The following PDXK variants were observed in gnomAD, a reference collection of about 807,000 sequenced individuals.
PDXK encodes epididymis secretory sperm binding protein Li 1a.
PDXK carries 15 observed loss-of-function variants against 43.2 expected under a neutral mutation model. The observed-to-expected ratio is 0.35, with a 90% confidence interval of 0.23 to 0.53. PDXK has a LOEUF of 0.53. Ranked by LOEUF, PDXK falls within the 20% of genes least tolerant of loss-of-function variation. PDXK has a pLI of 0.92. For missense variants in PDXK, 343 were observed against 417.0 expected (o/e 0.82, Z 1.54); for synonymous variants, 172 against 165.4 (o/e 1.04, Z -0.31).
chr21:43,755,604 C>T lies in PDXK; in HGVS notation c.760-94C>T, dbSNP rs2083834826. 5 of 1,058,112 alleles carry T rather than the reference C, an allele frequency of 4.7e-6. No homozygotes were observed. In the East Asian group the frequency reaches 9.4e-5, roughly 20 times the overall value. 65.5% of individuals were successfully genotyped at this position (1,058,112 alleles called of 1,614,324 possible). A position where few individuals can be genotyped will look rare whatever the true frequency, so the allele number is the denominator to read the frequency against. The stretch of plus-strand genomic sequence containing the variant: ...CCCGGTGGCTCGGAGAGCAGGACGG[C>T]CCTTGTGTTCCCTGGAAATCCCCTC... On this transcript the variant is annotated intron_variant, in intron 9 of 10. Coordinates refer to ENST00000291565, the MANE Select transcript of PDXK (RefSeq NM_003681.5).
intron 1 of PDXK, among the ~76,000 whole-genome samples, chr21:43,721,336 C>T (rs998665298): frequency 6.6e-6 from 1 of 152,214 alleles, no homozygotes; most frequent in Non-Finnish European, 1.5e-5. Context: ...TGATTTTGAT[C>T]ATCACATGTG....
intron 2 of PDXK, chr21:43,738,245 A>G (rs1460619321): frequency 6.4e-6 from 1 of 155,832 alleles, no homozygotes; most frequent in Non-Finnish European, 1.4e-5. Context: ...AGAGATGAGG[A>G]CACAGACACA....
chr21:43,740,080 C>T (rs145322383), intron 2 of PDXK, among the ~76,000 whole-genome samples: 76 of 152,152 alleles, frequency 5.0e-4, no homozygotes, highest in Middle Eastern at 3.4e-3. Context: ...CCCCTCAGTG[C>T]GTACACTCTG....
rs9976238 is a variant in PDXK, at chr21:43,722,912, A to T, written c.87+3531A>T. Among the ~76,000 whole-genome samples the T allele has an allele frequency of 5.4e-3, 824 of 152,282 alleles. 4 individuals are homozygous for T. Among genetic ancestry groups the T allele is most frequent in the African/African-American group, 0.019 (771 of 41,546 alleles). ...AAGTGCAGTGGCGCGATCTCGGCTC[A>T]CTGCAAGCTCTGCCTCCCGGGTTCA... On this transcript the variant is annotated intron_variant, in intron 1 of 10. Coordinates refer to ENST00000291565, the MANE Select transcript of PDXK (RefSeq NM_003681.5).
chr21:43,757,885 A>G lies in PDXK; in HGVS notation c.*1822A>G, dbSNP rs1158636180. The G allele has an allele frequency of 6.6e-6, 1 of 151,956 alleles. No individual in the cohort carries two copies. The highest frequency in any genetic ancestry group is 1.5e-5 in the Non-Finnish European group (1 of 67,998). 9.4% of individuals were successfully genotyped at this position (151,956 alleles called of 1,614,324 possible). ...GTGAGTGCAGGGATCTGCCAGAACC[A>G]CCTGGCCCTCTGTAGGGCGTTTAAC... On this transcript the variant is annotated 3_prime_UTR_variant, in exon 11 of 11. Coordinates refer to ENST00000291565, the MANE Select transcript of PDXK (RefSeq NM_003681.5).
chr21:43,749,166 A>T, intron 6 of PDXK, 86 bp downstream of exon 6: 3 of 755,126 alleles, frequency 4.0e-6, no homozygotes, highest in Non-Finnish European at 6.5e-6. Flanking sequence ...GTGCAGTGGC[A>T]CGATCACAGC....
rs1273139888 is a variant in PDXK at position 43,741,727 on chromosome 21, G to A, written c.203G>A (p.Gly68Asp). 2 of 1,613,036 alleles carry A rather than the reference G, an allele frequency of 1.2e-6. No homozygotes were observed. The highest frequency in any genetic ancestry group is 1.1e-5 in the South Asian group (1 of 91,030). ...GATGAGCTCCAGGAGTTGTACGAAG[G>A]CCTGAGGCTGAACAACATGAATAAA... ...NSDELQELYEGLRLNNMNKYD... is the reference protein window; with the variant it reads ...NSDELQELYEDLRLNNMNKYD... The change falls in exon 3 of 11, where the codon GGC becomes GAC. Residue 68 changes from glycine to aspartate, a missense_variant. Physicochemically the swap from Gly to Asp is moderately conservative, Grantham distance 94. Transcript: ENST00000291565.
intron 5 of PDXK, among the ~76,000 whole-genome samples, chr21:43,746,818 T>G (rs1164626607): frequency 6.6e-6 from 1 of 152,216 alleles, no homozygotes; most frequent in Non-Finnish European, 1.5e-5. Flanking sequence ...TTTTTGGCTT[T>G]TTTCCCCTAA....
chr21:43,733,265 G>GC (rs1363886611), intron 1 of PDXK, among the ~76,000 whole-genome samples: 4,234 of 47,370 alleles, frequency 0.089, 153 homozygotes, highest in Middle Eastern at 0.15. Flanking sequence ...CCCCCCCCCC[G>GC]CCCCCCCCGC....
intron 7 of PDXK, among the ~76,000 whole-genome samples, chr21:43,750,895 G>T (rs2083732167): frequency 6.7e-6 from 1 of 150,278 alleles, no homozygotes; most frequent in Admixed American, 6.7e-5. Flanking sequence ...TGGGCGTGTG[G>T]GCATGGGTGT....
intron 1 of PDXK, among the ~76,000 whole-genome samples, chr21:43,722,820 A>G (rs1331256983): frequency 6.6e-6 from 1 of 152,168 alleles, no homozygotes; most frequent in Non-Finnish European, 1.5e-5. Flanking sequence ...GGAATCTTAC[A>G]TCTGCAAAGA....
chr21:43,747,811 G>A (rs1028462755), intron 5 of PDXK, among the ~76,000 whole-genome samples: 2 of 152,222 alleles, frequency 1.3e-5, no homozygotes, highest in Admixed American at 6.5e-5. Context: ...TCTCAGATGA[G>A]CGGTCACCCC....
At position 43,761,491 on chromosome 21, in the gene PDXK, C is replaced by G. The variant is rs1485349307; in HGVS notation, c.*5428C>G. ...TCCTAAGCTTCTGCTTGGGGATCCC[C>G]CACACGACCTGGGTACTGCCTGGGA... On this transcript the variant is annotated 3_prime_UTR_variant, in exon 11 of 11. Coordinates refer to ENST00000291565, the MANE Select transcript of PDXK (RefSeq NM_003681.5). 1 of 156,130 alleles carries G rather than the reference C, an allele frequency of 6.4e-6. No homozygotes were observed. Among genetic ancestry groups the G allele is most frequent in the Non-Finnish European group, 1.4e-5 (1 of 69,564 alleles). 9.7% of individuals were successfully genotyped at this position (156,130 alleles called of 1,614,324 possible).
Position 43,753,605 on chromosome 21 carries a change from G to A in PDXK, c.645G>A (p.Val215=). 6.2e-7 allele frequency: 1 copy of A among 1,613,240 alleles called. No homozygotes were observed. Among genetic ancestry groups the A allele is most frequent in the Non-Finnish European group, 8.5e-7 (1 of 1,179,452 alleles). ...TAGGGAATCCCGCTGGCTCCGTGGT[G>A]ATGGAACGCATCCGGATGGACATTC... ...QRRRNPAGSV[V]MERIRMDIRK... Residue 215 remains valine (V), a synonymous_variant, in exon 9 of 11, where the codon GTG becomes GTA. Transcript: ENST00000291565.
In PDXK at chr21:43,759,882, G is replaced by A. The variant is rs2083906207; in HGVS notation, c.*3819G>A. The stretch of plus-strand genomic sequence containing the variant: ...GCACTCAGATGGATGCTGATCACCA[G>A]GGCCGAGGGGGCTCCCAGAAGGACC... On this transcript the variant is annotated 3_prime_UTR_variant, in exon 11 of 11. Coordinates refer to ENST00000291565, the MANE Select transcript of PDXK (RefSeq NM_003681.5). 6.6e-6 allele frequency: 1 copy of A among 152,278 alleles called. No individual in the cohort carries two copies. Among genetic ancestry groups the A allele is most frequent in the Non-Finnish European group, 1.5e-5 (1 of 68,056 alleles). The allele number at this position is 152,278 out of a possible 1,614,324, so 9.4% of individuals were successfully genotyped here. A position where few individuals can be genotyped will look rare whatever the true frequency, so the allele number is the denominator to read the frequency against.
chr21:43,741,625 GC>G (rs1568983954), intron 2 of PDXK, 41 bp from the exon 3 acceptor site: 2 of 1,596,720 alleles, frequency 1.3e-6, no homozygotes, highest in South Asian at 1.1e-5. Flanking sequence ...GCCCCAGCTG[GC>G]CCCCTTGTGT....
intron 2 of PDXK, chr21:43,738,703 A>G (rs1045825277): frequency 5.2e-5 from 8 of 152,470 alleles, no homozygotes; most frequent in African/African-American, 1.7e-4. Flanking sequence ...CCTGTCCGAT[A>G]AGTTAAAGAT....
At chr21:43,720,995 G>C (rs2083202304) in intron 1 of PDXK, among the ~76,000 whole-genome samples, 1 of 152,190 alleles carries the variant, frequency 6.6e-6, no homozygotes, top group Non-Finnish European at 1.5e-5. Flanking sequence ...GCTCACCTCA[G>C]GTGGAGCCTC....
intron 2 of PDXK, among the ~76,000 whole-genome samples, chr21:43,739,985 G>T (rs1342304199): frequency 1.3e-5 from 2 of 151,658 alleles, no homozygotes; most frequent in African/African-American, 2.4e-5. Flanking sequence ...CACTGACCTC[G>T]CCCGCAGTGG....
Sources: gnomAD v4.1 joint callset for allele counts (sites outside exome capture counted in the v4.1 genomes callset) on GRCh38, gnomAD v4.1.1 for gene constraint, MANE v1.5 for transcripts, NCBI Gene and HGNC (gene_info 2026-07-23, HGNC 2026-07-21) for gene names.